Variants in ABHD4 observed in about 807,000 individuals in gnomAD.
ABHD4 encodes (Lyso)-N-acylphosphatidylethanolamine lipase.
Under a neutral mutation model 42.3 loss-of-function variants are expected in ABHD4, and 35 were observed. The ratio of observed to expected loss-of-function variants is 0.83; its 90% CI spans 0.63 to 1.10. ABHD4 has a LOEUF of 1.10. Among genes scored for constraint, ABHD4 ranks in the 50% least tolerant of loss-of-function variants. The pLI is 0.00. For synonymous variants in ABHD4, 169 were observed against 170.6 expected, an observed-to-expected ratio of 0.99 and a Z score of 0.07; for missense variants, 389 against 454.8, an observed-to-expected ratio of 0.86 and a Z score of 1.32.
intron 5 of ABHD4, among the ~76,000 whole-genome samples, chr14:22,608,311 C>T (rs2037371043): frequency 6.6e-6 from 1 of 152,218 alleles, no homozygotes; most frequent in Non-Finnish European, 1.5e-5. Context: ...TAGGAGGCAG[C>T]AGTGTCCCCA....
Position 22,603,457 on chromosome 14 carries a change from T to C in ABHD4, c.180T>C (p.Thr60=). The change falls in exon 3 of 7, where the codon ACT becomes ACC. Residue 60 remains threonine, a synonymous_variant. Transcript: ENST00000428304. ...LPNQNKIWTV[T]VSPEQNDRTP... is the part of the protein sequence containing the mutation. ...ACCAGAATAAGATCTGGACGGTGAC[T>C]GTGAGCCCCGAGCAAAACGACCGCA... 1 of 1,614,206 alleles carries C rather than the reference T, an allele frequency of 6.2e-7. No individual in the cohort carries two copies. Among genetic ancestry groups the C allele is most frequent in the South Asian group, 1.1e-5 (1 of 91,072 alleles).
At chr14:22,603,289 G>C in intron 2 of ABHD4, 101 bp from the exon 3 acceptor site, 1 of 1,447,946 alleles carries the variant, frequency 6.9e-7, no homozygotes, top group Non-Finnish European at 9.5e-7. Context: ...AGTTGGGGAG[G>C]GTTCGGGAAT....
chr14:22,610,979 CAG>C lies in ABHD4; in HGVS notation c.*36_*37del. The C allele has an allele frequency of 6.3e-7, 1 of 1,591,528 alleles. No homozygotes were observed. The highest frequency in any genetic ancestry group is 8.6e-7 in the Non-Finnish European group (1 of 1,159,936). On this transcript the variant is annotated 3_prime_UTR_variant, in exon 7 of 7. Coordinates refer to ENST00000428304, the MANE Select transcript of ABHD4 (RefSeq NM_022060.3). ...TCTCTGAAGAGGAAGAGGAGAAAGC[CAG>C]AGAGTCACTCTTACCTCCCTGTCTG... is the stretch of plus-strand genomic sequence containing the variant.
Position 22,612,727 on chromosome 14 carries a change from T to C in ABHD4, c.*1779T>C, listed in dbSNP as rs2037428709. The C allele has an allele frequency of 6.6e-6, 1 of 152,292 alleles. No individual in the cohort carries two copies. The highest frequency in any genetic ancestry group is 2.1e-4 in the South Asian group (1 of 4,834). 9.4% of individuals were successfully genotyped at this position (152,292 alleles called of 1,614,324 possible). A position where few individuals can be genotyped will look rare whatever the true frequency, so the allele number is the denominator to read the frequency against. On this transcript the variant is annotated 3_prime_UTR_variant, in exon 7 of 7. Coordinates refer to ENST00000428304, the MANE Select transcript of ABHD4 (RefSeq NM_022060.3). ...CCTGCTCTAACTTCCTCTCATCCTC[T>C]GGATCTCAGCTCAAATATTCCTTAT...
In ABHD4 at chr14:22,612,294, T is replaced by C. The variant is rs773732961; in HGVS notation, c.*1346T>C. 1 of 152,690 alleles carries C rather than the reference T, an allele frequency of 6.5e-6. No homozygotes were observed. Among genetic ancestry groups the C allele is most frequent in the African/African-American group, 2.4e-5 (1 of 41,466 alleles). 9.5% of individuals were successfully genotyped at this position (152,690 alleles called of 1,614,324 possible). On this transcript the variant is annotated 3_prime_UTR_variant, in exon 7 of 7. Transcript: ENST00000428304. ...CCAGAATGGTATTAACTCCTGGTGC[T>C]TTGTACTACTGGTCCAGCTGCCCTG... is the stretch of plus-strand genomic sequence containing the variant.
At position 22,603,375 on chromosome 14, in the gene ABHD4, T is replaced by A; in HGVS notation, c.113-15T>A. The A allele has an allele frequency of 6.2e-7, 1 of 1,614,008 alleles. No homozygotes were observed. The highest frequency in any genetic ancestry group is 2.2e-5 in the East Asian group (1 of 44,880). On this transcript the variant is annotated splice_polypyrimidine_tract_variant and intron_variant, in intron 2 of 6. Coordinates refer to ENST00000428304, the MANE Select transcript of ABHD4 (RefSeq NM_022060.3). ...AAACACTTATTGACTTACCATGGGA[T>A]TCTTTCCTCCCCAGGTCTCCAGAAT...
chr14:22,598,465 G>A, intron 1 of ABHD4, 136 bp downstream of exon 1: 1 of 1,538,442 alleles, frequency 6.5e-7, no homozygotes, highest in Non-Finnish European at 8.7e-7. Context: ...GGAGGGCGGG[G>A]GGTGGGTGCG....
At chr14:22,598,357 TTC>T (rs369436775) in intron 1 of ABHD4, 28 bp downstream of exon 1, 2,815 of 1,265,172 alleles carry the variant, frequency 2.2e-3, no homozygotes, top group East Asian at 2.5e-3. Context: ...CTTTCTCTCT[TTC>T]TCTCTCTCTC....
intron 4 of ABHD4, chr14:22,605,916 C>G (rs2037344194): frequency 1.9e-6 from 2 of 1,031,978 alleles, no homozygotes; most frequent in Non-Finnish European, 2.7e-6. Context: ...TAAAACAGTG[C>G]CCTGAGTCTG....
chr14:22,609,637 G>A lies in ABHD4; in HGVS notation c.753-87G>A, dbSNP rs1378120197. 6 of 1,415,582 alleles carry A rather than the reference G, an allele frequency of 4.2e-6. No individual in the cohort carries two copies. In the African/African-American group the frequency reaches 8.5e-5, roughly 20 times the overall value. 87.7% of individuals were successfully genotyped at this position (1,415,582 alleles called of 1,614,324 possible). ...GTGGGGCTTTGACAGGAATACAAAG[G>A]TGACTAAGATTCTGCCTCAGTCTCT... is the stretch of plus-strand genomic sequence containing the variant. On this transcript the variant is annotated intron_variant, in intron 5 of 6. Coordinates refer to ENST00000428304, the MANE Select transcript of ABHD4 (RefSeq NM_022060.3).
Position 22,603,527 on chromosome 14 carries a change from T to A in ABHD4, c.250T>A (p.Trp84Arg), listed in dbSNP as rs2037311608. The A allele has an allele frequency of 6.2e-7, 1 of 1,614,166 alleles. No homozygotes were observed. The highest frequency in any genetic ancestry group is 1.3e-5 in the African/African-American group (1 of 75,038). ...VHGFGGGVGL[W>R]ILNMDSLSAR... The stretch of plus-strand genomic sequence containing the variant: ...TGGTTTTGGGGGCGGCGTGGGTCTC[T>A]GGATCCTCAACATGGACTCACTGAG... Residue 84 changes from tryptophan (W) to arginine (R), a missense_variant, in exon 3 of 7, where the codon TGG (tryptophan) becomes AGG (arginine). Transcript: ENST00000428304.
Position 22,609,908 on chromosome 14 carries a change from A to G in ABHD4, c.937A>G (p.Met313Val), listed in dbSNP as rs763218862. The G allele has an allele frequency of 2.5e-6, 4 of 1,613,834 alleles. No homozygotes were observed. In the South Asian group the frequency reaches 3.3e-5, roughly 13 times the overall value. ...MQRPDSYVRD[M>V]EIKGASHHVY... ...GCGGCCGGATTCCTATGTCCGAGAC[A>G]TGGTATGTTGCACCACCCAAGGAGT... is the stretch of plus-strand genomic sequence containing the variant. The change falls in exon 6 of 7, where the codon ATG (methionine) becomes GTG (valine). Residue 313 changes from methionine to valine, a missense_variant and splice_region_variant. By Grantham distance (21) the Met-to-Val change is conservative. This residue lies in a region of ABHD4 where 249 missense variants were observed against 254.4 expected (regional missense o/e 0.98). Coordinates refer to ENST00000428304, the MANE Select transcript of ABHD4 (RefSeq NM_022060.3).
chr14:22,606,295 T>G (rs533026060), intron 4 of ABHD4, 127 bp from the exon 5 acceptor site: 2 of 678,618 alleles, frequency 2.9e-6, no homozygotes, highest in African/African-American at 1.8e-5. Context: ...TAGTGTTAAA[T>G]GAATAAAGCA....
chr14:22,610,641 A>G (rs879441119), intron 6 of ABHD4, among the ~76,000 whole-genome samples: 10 of 152,246 alleles, frequency 6.6e-5, no homozygotes, highest in Non-Finnish European at 1.3e-4. Context: ...CTAACACAGA[A>G]GGAAAGACAC....
At chr14:22,604,382 C>T (rs2037324232) in intron 4 of ABHD4, 1 of 254,748 alleles carries the variant, frequency 3.9e-6, no homozygotes, top group Non-Finnish European at 7.7e-6. Context: ...TCCCAAGTAA[C>T]TGGGACTACA....
Position 22,609,877 on chromosome 14 carries a change from G to T in ABHD4, c.906G>T (p.Lys302Asn). 6.2e-7 allele frequency: 1 copy of T among 1,614,096 alleles called. No individual in the cohort carries two copies. Among genetic ancestry groups the T allele is most frequent in the Non-Finnish European group, 8.5e-7 (1 of 1,180,032 alleles). ...WIDTSTGKKV[K>N]MQRPDSYVRD... is the part of the protein sequence containing the mutation. ...ATACCAGTACGGGAAAAAAGGTGAAGATGCAGCGGCCGGATTCCTATGTCC... is the reference window on the plus strand; with the variant it reads ...ATACCAGTACGGGAAAAAAGGTGAATATGCAGCGGCCGGATTCCTATGTCC... Residue 302 changes from lysine to asparagine, a missense_variant, in exon 6 of 7, where the codon AAG (lysine) becomes AAT (asparagine). By Grantham distance (94) the Lys-to-Asn change is moderately conservative (BLOSUM62 0). Transcript: ENST00000428304.
intron 1 of ABHD4, among the ~76,000 whole-genome samples, chr14:22,600,850 G>A (rs2037276136): frequency 6.6e-6 from 1 of 151,364 alleles, no homozygotes; most frequent in Non-Finnish European, 1.5e-5. Flanking sequence ...GTGTGTGTGT[G>A]TGTGTGTGTG....
chr14:22,609,993 G>A, intron 6 of ABHD4, 83 bp downstream of exon 6: 2 of 1,353,554 alleles, frequency 1.5e-6, no homozygotes. Context: ...GGTGATCAAG[G>A]AGAAAGAGGA....
Position 22,609,776 on chromosome 14 carries a change from C to T in ABHD4, c.805C>T (p.Pro269Ser). The change falls in exon 6 of 7, where the codon CCT (proline) becomes TCT (serine). Residue 269 changes from proline to serine, a missense_variant. Pro to Ser is a moderately conservative substitution (Grantham distance 74). Transcript: ENST00000428304. ...MMESFGWARRPMLERIHLIRK... is the reference protein window; with the variant it reads ...MMESFGWARRSMLERIHLIRK... ...GGAGTCCTTTGGCTGGGCCCGGCGC[C>T]CTATGCTGGAGCGAATTCACTTGAT... 6.2e-7 allele frequency: 1 copy of T among 1,614,114 alleles called. No individual in the cohort carries two copies. Among genetic ancestry groups the T allele is most frequent in the African/African-American group, 1.3e-5 (1 of 74,998 alleles).
Sources: allele counts gnomAD v4.1 joint callset (sites outside exome capture counted in the v4.1 genomes callset), GRCh38; gene constraint gnomAD v4.1.1; regional missense constraint gnomAD v4.1.1; transcripts MANE v1.5; gene names NCBI Gene and HGNC (gene_info 2026-07-23, HGNC 2026-07-21).